The following VPS8 variants were observed in gnomAD, a reference collection of about 807,000 sequenced individuals.
VPS8 encodes vacuolar protein sorting-associated protein 8 homolog.
In VPS8, 129 loss-of-function variants were observed where a neutral mutation model predicts 216.4. The observed-to-expected ratio is 0.60, with a 90% CI of 0.52 to 0.69. The LOEUF is 0.69. VPS8 is among the 30% of genes least tolerant of loss of function. VPS8 has a pLI of 0.00. For synonymous variants in VPS8, 571 were observed against 565.4 expected (o/e 1.01, Z -0.14); for missense variants, 1,531 against 1,683.5 (o/e 0.91, Z 1.59).
Position 185,045,832 on chromosome 3 carries a change from C to T in VPS8, c.4057-2647C>T, listed in dbSNP as rs565204465. ...CCCTGATTTGTTTTCTTCCTTCCAG[C>T]GGATGTAGTTACTGCTCCCACTTCC... On this transcript the variant is annotated intron_variant, in intron 46 of 47. Transcript: ENST00000625842. Among the ~76,000 whole-genome samples the T allele has an allele frequency of 4.6e-5, 7 of 151,826 alleles. No individual in the cohort carries two copies. In the East Asian group the frequency reaches 1.2e-3, roughly 25 times the overall value.
At chr3:184,843,459 A>G (rs758965165) in intron 8 of VPS8, among the ~76,000 whole-genome samples, 5 of 152,282 alleles carry the variant, frequency 3.3e-5, no homozygotes, top group East Asian at 1.9e-4. Flanking sequence ...TTTTAACTGA[A>G]AGTATATACA....
intron 1 of VPS8, among the ~76,000 whole-genome samples, chr3:184,822,932 A>G (rs1217235702): frequency 1.3e-5 from 2 of 152,248 alleles, no homozygotes; most frequent in Admixed American, 6.5e-5. Flanking sequence ...AACCCTATAA[A>G]TAGAAAACCC....
Position 185,024,359 on chromosome 3 carries a change from T to C in VPS8, c.4026T>C (p.His1342=), listed in dbSNP as rs1230209471. 1 of 1,598,610 alleles carries C rather than the reference T, an allele frequency of 6.3e-7. No homozygotes were observed. The highest frequency in any genetic ancestry group is 1.3e-5 in the African/African-American group (1 of 74,934). Residue 1342 remains histidine, a synonymous_variant, in exon 46 of 48, where the codon CAT becomes CAC. Transcript: ENST00000625842. The part of the protein sequence containing the change: ...PSQVKMSPSY[H]QSKGDPTAKK... Reference sequence around the variant, plus strand: ...AGGTAAAAATGTCTCCATCGTATCATCAGTCCAAAGGGGATCCCACTGCTA... The same window carrying C: ...AGGTAAAAATGTCTCCATCGTATCACCAGTCCAAAGGGGATCCCACTGCTA...
chr3:184,921,335 C>T (rs979813034), intron 29 of VPS8, among the ~76,000 whole-genome samples: 5 of 152,180 alleles, frequency 3.3e-5, no homozygotes, highest in African/African-American at 1.2e-4. Context: ...ACGTGATTTC[C>T]ATCTTTCCAT....
At chr3:184,859,595 G>A (rs1010205328) in intron 14 of VPS8, among the ~76,000 whole-genome samples, 1 of 152,088 alleles carries the variant, frequency 6.6e-6, no homozygotes, top group South Asian at 2.1e-4. Flanking sequence ...GAAAAGTCTG[G>A]TTTACATCAC....
At chr3:184,889,855 A>G (rs1406665830) in intron 22 of VPS8, among the ~76,000 whole-genome samples, 1 of 152,174 alleles carries the variant, frequency 6.6e-6, no homozygotes. Flanking sequence ...TGAACTTAGA[A>G]GGAAAGATTG....
At chr3:184,882,299 A>G in intron 21 of VPS8, 1 of 430,176 alleles carries the variant, frequency 2.3e-6, no homozygotes, top group Non-Finnish European at 4.6e-6. Context: ...GAATTTTGTC[A>G]GTTGCTTTTT....
intron 36 of VPS8, among the ~76,000 whole-genome samples, chr3:184,947,397 CAGAGGGGAGAAAATCAT>C (rs1389161465): frequency 6.6e-6 from 1 of 151,996 alleles, no homozygotes; most frequent in Non-Finnish European, 1.5e-5. Context: ...AAGAGTTTGG[CAGAGGGGAGAAAATCAT>C]AGATTAAAAC....
Position 184,838,751 on chromosome 3 carries a change from GTATACTT to G in VPS8, c.480+8_480+14del, listed in dbSNP as rs1318699984. On this transcript the variant is annotated splice_donor_region_variant and intron_variant, in intron 6 of 47. Transcript: ENST00000625842. Reference sequence around the variant, plus strand: ...GCTGGCTTGCCTACAGCAATTGTAAGTATACTTTAACTTTTTAAAGGTAAGTTTTCTA... The same window carrying G: ...GCTGGCTTGCCTACAGCAATTGTAAGTAACTTTTTAAAGGTAAGTTTTCTA... 3.9e-6 allele frequency: 6 copies of G among 1,542,026 alleles called. No individual in the cohort carries two copies. The South Asian group carries it at 4.9e-5, about 13-fold the overall frequency.
At chr3:184,839,273 G>A (rs1721684582) in intron 6 of VPS8, 1 of 178,234 alleles carries the variant, frequency 5.6e-6, no homozygotes, top group Non-Finnish European at 1.2e-5. Flanking sequence ...AAGTGGGTGA[G>A]TTTTGAACAC....
At chr3:184,892,350 A>G (rs150201526) in intron 22 of VPS8, among the ~76,000 whole-genome samples, 2,206 of 152,122 alleles carry the variant, frequency 0.015, 46 homozygotes, top group African/African-American at 0.045. Context: ...CTGAGTAGCC[A>G]GGATTACAGG....
chr3:184,987,648 G>A (rs1305197708), intron 42 of VPS8, among the ~76,000 whole-genome samples: 1 of 152,010 alleles, frequency 6.6e-6, no homozygotes, highest in Non-Finnish European at 1.5e-5. Flanking sequence ...GAACATCTTG[G>A]TTGCCTTCCA....
At chr3:184,825,281 C>A (rs1297517257) in intron 2 of VPS8, among the ~76,000 whole-genome samples, 1 of 152,176 alleles carries the variant, frequency 6.6e-6, no homozygotes, top group Non-Finnish European at 1.5e-5. Flanking sequence ...CTCTGATAAT[C>A]CATTGTATAG....
In VPS8 at chr3:184,849,132, T is replaced by C; in HGVS notation, c.603T>C (p.Ala201=). Residue 201 remains alanine (A), a synonymous_variant, in exon 9 of 48, where the codon GCT becomes GCC. Transcript: ENST00000625842. ...CTAGTGTTGGAGGTCAGTATGGCGC[T>C]ATCTCTGCCCTCAGTATCAACAATG... The part of the protein sequence containing the change: ...GSTSVGGQYG[A]ISALSINNDC... 6.2e-7 allele frequency: 1 copy of C among 1,613,696 alleles called. No homozygotes were observed. Among genetic ancestry groups the C allele is most frequent in the South Asian group, 1.1e-5 (1 of 91,086 alleles).
intron 22 of VPS8, among the ~76,000 whole-genome samples, chr3:184,886,490 T>C (rs536918620): frequency 1.3e-5 from 2 of 150,784 alleles, no homozygotes; most frequent in Non-Finnish European, 1.5e-5. Context: ...CACGCATATA[T>C]ACACACACAT....
intron 22 of VPS8, among the ~76,000 whole-genome samples, chr3:184,889,545 C>G (rs1014634238): frequency 6.6e-6 from 1 of 151,972 alleles, no homozygotes; most frequent in Non-Finnish European, 1.5e-5. Flanking sequence ...TTTCTAACAC[C>G]GAAGACTAGA....
At chr3:184,925,246 A>G (rs891024973) in intron 30 of VPS8, among the ~76,000 whole-genome samples, 2 of 152,138 alleles carry the variant, frequency 1.3e-5, no homozygotes, top group African/African-American at 4.8e-5. Flanking sequence ...GAGTTTCCCA[A>G]TTTAAGAATC....
At chr3:184,908,553 A>G (rs572732898) in intron 25 of VPS8, among the ~76,000 whole-genome samples, 48 of 152,328 alleles carry the variant, frequency 3.2e-4, no homozygotes, top group African/African-American at 1.1e-3. Flanking sequence ...TTTACCATCC[A>G]TAGCCTGATG....
intron 3 of VPS8, among the ~76,000 whole-genome samples, chr3:184,831,488 G>A (rs1046324347): frequency 2.0e-5 from 3 of 152,214 alleles, no homozygotes; most frequent in Non-Finnish European, 4.4e-5. Flanking sequence ...AAGGCAGAAG[G>A]TAGTGCAGCT....
Sources: allele counts gnomAD v4.1 joint callset (sites outside exome capture counted in the v4.1 genomes callset), GRCh38; gene constraint gnomAD v4.1.1; transcripts MANE v1.5; gene names NCBI Gene and HGNC (gene_info 2026-07-23, HGNC 2026-07-21).